Variants in LGR4 observed in about 807,000 individuals in gnomAD.
The protein encoded by LGR4 is leucine-rich repeat-containing G protein-coupled receptor 4.
LGR4 carries 44 observed loss-of-function variants against 84.8 expected under a neutral mutation model. That is an observed-to-expected ratio of 0.52 (90% CI 0.41 to 0.67). The LOEUF (loss-of-function observed/expected upper bound fraction) is 0.67, where lower values mean the gene tolerates loss of function less well. LGR4 is among the 30% of genes least tolerant of loss of function. LGR4 has a pLI of 0.00. For synonymous variants in LGR4, 429 were observed against 434.3 expected (o/e 0.99, Z 0.15); for missense variants, 1,032 against 1,131.4 (o/e 0.91, Z 1.26).
In LGR4 at chr11:27,472,354, T is replaced by G; in HGVS notation, c.-52A>C. On this transcript the variant is annotated 5_prime_UTR_variant, in exon 1 of 18. Coordinates refer to ENST00000379214, the MANE Select transcript of LGR4 (RefSeq NM_018490.5). ...TCTCCCGCGGCGCTGCTCGCTCCGC[T>G]GCCCTCCGATGTCCCCCGCCGCCCC... The G allele has an allele frequency of 8.6e-7, 1 of 1,164,530 alleles. No individual in the cohort carries two copies. The allele number at this position is 1,164,530 out of a possible 1,614,324, so 72.1% of individuals were successfully genotyped here.
At chr11:27,430,760 A>C (rs936239823) in intron 1 of LGR4, among the ~76,000 whole-genome samples, 1 of 152,072 alleles carries the variant, frequency 6.6e-6, no homozygotes, top group African/African-American at 2.4e-5. Context: ...TGGCAGTCAA[A>C]GCAATCTTTT....
At chr11:27,371,015 T>C (rs1472546522) in intron 17 of LGR4, among the ~76,000 whole-genome samples, 1 of 152,188 alleles carries the variant, frequency 6.6e-6, no homozygotes, top group South Asian at 2.1e-4. Context: ...GAATCCATAA[T>C]ACTTATAATT....
chr11:27,410,212 C>T lies in LGR4; in HGVS notation c.257+2577G>A, dbSNP rs191606160. ...CTGTCAACTTTGAAGATGGGTCATG[C>T]TTGTATCTGTATTCCCAGCACCTGC... is the stretch of plus-strand genomic sequence containing the variant. On this transcript the variant is annotated intron_variant, in intron 2 of 17. Coordinates refer to ENST00000379214, the MANE Select transcript of LGR4 (RefSeq NM_018490.5). 2.4e-3 allele frequency among the ~76,000 whole-genome samples: 369 copies of T among 152,232 alleles called. 4 individuals are homozygous for T. The highest frequency in any genetic ancestry group is 8.7e-3 in the African/African-American group (360 of 41,544).
intron 1 of LGR4, among the ~76,000 whole-genome samples, chr11:27,448,232 G>A (rs1864424340): frequency 1.3e-5 from 2 of 151,830 alleles, no homozygotes; most frequent in South Asian, 2.1e-4. Flanking sequence ...TCATCAGTAA[G>A]TTAGAATCAT....
chr11:27,371,806 G>T (rs1268005336), intron 16 of LGR4, 108 bp from the exon 17 acceptor site: 1 of 740,562 alleles, frequency 1.4e-6, no homozygotes, highest in Non-Finnish European at 2.2e-6. Flanking sequence ...CCTTATAGAA[G>T]GTTCAATAAC....
intron 3 of LGR4, 102 bp from the exon 4 acceptor site, chr11:27,391,267 A>C: frequency 1.7e-6 from 1 of 589,544 alleles, no homozygotes; most frequent in Non-Finnish European, 3.0e-6. Flanking sequence ...AATATTTCCA[A>C]TGGGAAAATG....
At chr11:27,406,799 T>C (rs1291788071) in intron 2 of LGR4, among the ~76,000 whole-genome samples, 3 of 152,190 alleles carry the variant, frequency 2.0e-5, no homozygotes, top group Admixed American at 1.3e-4. Flanking sequence ...CTGTGAAACA[T>C]CACCAGAGCA....
At chr11:27,424,046 T>G (rs1387292340) in intron 1 of LGR4, among the ~76,000 whole-genome samples, 1 of 152,136 alleles carries the variant, frequency 6.6e-6, no homozygotes, top group Non-Finnish European at 1.5e-5. Context: ...CTGAGAAAAT[T>G]TCTCAATTCT....
intron 1 of LGR4, among the ~76,000 whole-genome samples, chr11:27,424,585 A>G (rs2133413146): frequency 6.6e-6 from 1 of 152,262 alleles, no homozygotes. Flanking sequence ...GGAGCTGATC[A>G]CACCATTGCA....
chr11:27,369,160 CAG>C lies in LGR4; in HGVS notation c.1580-19_1580-18del, dbSNP rs745335684. On this transcript the variant is annotated intron_variant, in intron 17 of 17. Transcript: ENST00000379214. ...TAAAAGCACCTAAAAAAAACACACA[CAG>C]AGAGAGAGAAATAAAAGATAACTTA... 9.1e-6 allele frequency: 14 copies of C among 1,537,804 alleles called. No individual in the cohort carries two copies. Among genetic ancestry groups the C allele is most frequent in the South Asian group, 2.5e-5 (2 of 80,956 alleles).
At chr11:27,393,992 C>T (rs1477495914) in intron 2 of LGR4, among the ~76,000 whole-genome samples, 1 of 146,728 alleles carries the variant, frequency 6.8e-6, no homozygotes, top group African/African-American at 2.5e-5. Flanking sequence ...GCCAAAAGAC[C>T]CAGAAACCAA....
At chr11:27,392,698 A>G (rs1863308853) in intron 2 of LGR4, among the ~76,000 whole-genome samples, 180 bp from the exon 3 acceptor site, 1 of 152,202 alleles carries the variant, frequency 6.6e-6, no homozygotes, top group Non-Finnish European at 1.5e-5. Context: ...CCAATGAGAT[A>G]AATGTCTCTA....
At chr11:27,380,059 G>A (rs1565072224) in intron 10 of LGR4, among the ~76,000 whole-genome samples, 1 of 152,038 alleles carries the variant, frequency 6.6e-6, no homozygotes, top group Non-Finnish European at 1.5e-5. Context: ...TATTTTCTGT[G>A]AACCTTTCAG....
rs1444920453 is a variant in LGR4, at chr11:27,391,352, G to A, written c.330-187C>T. Among the ~76,000 whole-genome samples, 4 of 150,856 alleles carry A rather than the reference G, an allele frequency of 2.7e-5. No homozygotes were observed. The East Asian group carries it at 7.9e-4, about 30-fold the overall frequency. On this transcript the variant is annotated intron_variant, in intron 3 of 17. Coordinates refer to ENST00000379214, the MANE Select transcript of LGR4 (RefSeq NM_018490.5). ...TCAAGAAGCACTTGTTGTAAAGCCA[G>A]AAAGGAAATCTATACTGCTATCCCA...
intron 3 of LGR4, 35 bp from the exon 4 acceptor site, chr11:27,391,200 G>A: frequency 2.9e-6 from 3 of 1,038,234 alleles, no homozygotes; most frequent in Non-Finnish European, 4.3e-6. Context: ...AGTAACAAGT[G>A]ATAGTTACCA....
intron 2 of LGR4, among the ~76,000 whole-genome samples, chr11:27,395,792 C>T (rs954520186): frequency 1.3e-5 from 2 of 152,108 alleles, no homozygotes; most frequent in African/African-American, 4.8e-5. Flanking sequence ...AGCACAGCAG[C>T]GTGGTAAAAG....
intron 1 of LGR4, among the ~76,000 whole-genome samples, chr11:27,437,660 AGT>A (rs10659033): frequency 0.023 from 3,283 of 140,058 alleles, 99 homozygotes; most frequent in African/African-American, 0.073. Flanking sequence ...TTAAAGGACT[AGT>A]GTGTGTGTGT....
chr11:27,430,971 CT>C (rs1565091176), intron 1 of LGR4, among the ~76,000 whole-genome samples: 1 of 151,334 alleles, frequency 6.6e-6, no homozygotes, highest in Non-Finnish European at 1.5e-5. Context: ...CTGGTCTATT[CT>C]TCCCTAGCTC....
chr11:27,415,416 C>G (rs572413255), intron 1 of LGR4, among the ~76,000 whole-genome samples: 1 of 152,070 alleles, frequency 6.6e-6, no homozygotes, highest in Admixed American at 6.6e-5. Flanking sequence ...ACAATTTACA[C>G]CACACTATTC....
Sources: gnomAD v4.1 joint callset for allele counts (sites outside exome capture counted in the v4.1 genomes callset) on GRCh38, gnomAD v4.1.1 for gene constraint, MANE v1.5 for transcripts, NCBI Gene and HGNC (gene_info 2026-07-23, HGNC 2026-07-21) for gene names.